Variants in CATSPERE observed in about 807,000 individuals in gnomAD.
The protein encoded by CATSPERE is catsper channel auxiliary subunit epsilon.
In CATSPERE, 93 loss-of-function variants were observed where a neutral mutation model predicts 114.1. That is an observed-to-expected ratio of 0.81 (90% CI 0.69 to 0.97). The LOEUF is 0.97. Ranked by LOEUF, CATSPERE falls within the 50% of genes least tolerant of loss-of-function variation. The probability of loss-of-function intolerance (pLI) is 0.00; values close to 1 mark genes in which losing one functional copy is unlikely to be tolerated. For missense variants in CATSPERE, 1,058 were observed against 1,131.6 expected, an observed-to-expected ratio of 0.93 and a Z score of 0.93; for synonymous variants, 341 against 384.1, an observed-to-expected ratio of 0.89 and a Z score of 1.31.
At chr1:244,459,129 A>G (rs1472369871), upstream of CATSPERE, among the ~76,000 whole-genome samples, 1 of 140,194 alleles carries the variant, frequency 7.1e-6, no homozygotes, top group African/African-American at 2.7e-5. Context: ...GCCAGGCTGG[A>G]GTTCGGTGGC....
chr1:244,566,629 A>G (rs1276825438), intron 10 of CATSPERE, among the ~76,000 whole-genome samples: 1 of 129,992 alleles, frequency 7.7e-6, no homozygotes, highest in Non-Finnish European at 1.7e-5. Flanking sequence ...CTGTTTTATC[A>G]GAGACTAGGA....
intron 14 of CATSPERE, among the ~76,000 whole-genome samples, chr1:244,589,474 A>G (rs1667442239): frequency 6.6e-6 from 1 of 152,170 alleles, no homozygotes; most frequent in African/African-American, 2.4e-5. Flanking sequence ...TAGTTGATTT[A>G]TATAGCCGGT....
intron 8 of CATSPERE, among the ~76,000 whole-genome samples, chr1:244,521,495 G>A (rs965641001): frequency 6.6e-6 from 1 of 152,018 alleles, no homozygotes. Context: ...GCTTAAAGGA[G>A]TAAAATTAGA....
chr1:244,597,298 C>T (rs1274761748), intron 17 of CATSPERE, among the ~76,000 whole-genome samples: 1 of 152,134 alleles, frequency 6.6e-6, no homozygotes, highest in Non-Finnish European at 1.5e-5. Context: ...GGTTTTTGTG[C>T]TCACCACTCT....
chr1:244,536,444 G>A (rs545307662), intron 8 of CATSPERE, among the ~76,000 whole-genome samples: 2 of 152,302 alleles, frequency 1.3e-5, no homozygotes, highest in South Asian at 2.1e-4. Context: ...CCACCATGAG[G>A]ATGGGCAATT....
upstream of CATSPERE, chr1:244,451,933 C>T: frequency 1.8e-6 from 2 of 1,117,166 alleles, no homozygotes; most frequent in Non-Finnish European, 2.4e-6. This position sits in a 1 kb window ranked among gnomAD's most constrained non-coding sequence, Gnocchi z 6.6. Flanking sequence ...GAGGCCGGCC[C>T]CGCCCCCGCC....
At chr1:244,491,936 A>G (rs957678486) in intron 6 of CATSPERE, among the ~76,000 whole-genome samples, 1 of 152,228 alleles carries the variant, frequency 6.6e-6, no homozygotes, top group African/African-American at 2.4e-5. Flanking sequence ...AGGCTCTGAA[A>G]TTGTGGCAAT....
Position 244,607,539 on chromosome 1 carries a change from G to C in CATSPERE, c.2403+1745G>C, listed in dbSNP as rs887303934. Among the ~76,000 whole-genome samples, 4 of 152,160 alleles carry C rather than the reference G, an allele frequency of 2.6e-5. No homozygotes were observed. The highest frequency in any genetic ancestry group is 9.7e-5 in the African/African-American group (4 of 41,426). On this transcript the variant is annotated intron_variant, in intron 18 of 21. Coordinates refer to ENST00000366534, the MANE Select transcript of CATSPERE (RefSeq NM_001130957.2). The surrounding 1 kb of genome is among the most constrained non-coding windows in gnomAD (Gnocchi z 4.4). Reference sequence around the variant, plus strand: ...CCCAGATGCATTTGCATCTAGCTGGGGCCATATGACTGGTTCGCATGGCTG... The same window carrying C: ...CCCAGATGCATTTGCATCTAGCTGGCGCCATATGACTGGTTCGCATGGCTG...
At chr1:244,621,113 TATAATATA>T (rs1672146925) in intron 20 of CATSPERE, among the ~76,000 whole-genome samples, 2 of 68,302 alleles carry the variant, frequency 2.9e-5, no homozygotes, top group Non-Finnish European at 5.3e-5. Flanking sequence ...TAAATATATA[TATAATATA>T]TATATAAATA....
chr1:244,626,225 G>A (rs376050200), intron 20 of CATSPERE, among the ~76,000 whole-genome samples: 16 of 151,942 alleles, frequency 1.1e-4, no homozygotes, highest in African/African-American at 1.4e-4. Context: ...GGTGACTCAC[G>A]CCTGTAATCC....
intron 8 of CATSPERE, among the ~76,000 whole-genome samples, chr1:244,528,785 C>CCACACACGCACGCACACACACACA (rs749801424): frequency 3.6e-4 from 47 of 130,584 alleles, no homozygotes; most frequent in African/African-American, 1.4e-3. Flanking sequence ...CAATCCCCCA[C>CCACACACGCACGCACACACACACA]CACACACACA....
intron 9 of CATSPERE, among the ~76,000 whole-genome samples, chr1:244,553,604 C>T (rs868791275): frequency 1.8e-4 from 17 of 93,654 alleles, no homozygotes; most frequent in East Asian, 1.1e-3. Flanking sequence ...AAAAAAAATA[C>T]ACACACACAC....
chr1:244,622,603 C>T (rs1404989592), intron 20 of CATSPERE, among the ~76,000 whole-genome samples: 2 of 152,012 alleles, frequency 1.3e-5, no homozygotes, highest in East Asian at 3.9e-4. Flanking sequence ...AGGGTTTCGC[C>T]ATGTTGGCCA....
intron 21 of CATSPERE, among the ~76,000 whole-genome samples, chr1:244,637,763 G>T (rs185416138): frequency 1.3e-5 from 2 of 152,258 alleles, no homozygotes; most frequent in African/African-American, 4.8e-5. Flanking sequence ...CTCTGTAATA[G>T]CGATTTCAGA....
At chr1:244,509,121 G>A (rs1675298833) in intron 7 of CATSPERE, among the ~76,000 whole-genome samples, 1 of 151,864 alleles carries the variant, frequency 6.6e-6, no homozygotes, top group Non-Finnish European at 1.5e-5. Context: ...AGTGGTAAAA[G>A]TGGGCATCCT....
chr1:244,617,533 A>G lies in CATSPERE; in HGVS notation c.2495A>G (p.Tyr832Cys), dbSNP rs2148708223. 4.0e-6 allele frequency: 6 copies of G among 1,514,280 alleles called. No individual in the cohort carries two copies. Among genetic ancestry groups the G allele is most frequent in the Middle Eastern group, 1.9e-4 (1 of 5,374 alleles). 93.8% of individuals were successfully genotyped at this position (1,514,280 alleles called of 1,614,324 possible). ...TTGTCTTTGTTTCTTGTTCAGAACT[A>G]TAAACACTGTTTTTCTTATGCTATT... ...PLEEVWGPEN[Y>C]KHCFSYAIGK... The change falls in exon 20 of 22, where the codon TAT (tyrosine) becomes TGT (cysteine). Residue 832 changes from tyrosine to cysteine, a missense_variant. Physicochemically the swap from Tyr to Cys is radical, Grantham distance 194 (BLOSUM62 -2). This residue lies in a region of CATSPERE where 787 missense variants were observed against 905.6 expected (regional missense o/e 0.87). Transcript: ENST00000366534.
chr1:244,479,312 C>G (rs1349668707), intron 4 of CATSPERE, among the ~76,000 whole-genome samples: 1 of 151,988 alleles, frequency 6.6e-6, no homozygotes, highest in Non-Finnish European at 1.5e-5. Flanking sequence ...AGGCTGGTCT[C>G]GAACTTCTCA....
intron 8 of CATSPERE, among the ~76,000 whole-genome samples, chr1:244,535,158 G>A (rs1680186040): frequency 6.6e-6 from 1 of 152,166 alleles, no homozygotes; most frequent in South Asian, 2.1e-4. Context: ...GCTGGGGGAG[G>A]GGTGACACAG....
intron 2 of CATSPERE, among the ~76,000 whole-genome samples, chr1:244,472,460 A>T (rs139152311): frequency 3.9e-5 from 6 of 152,216 alleles, no homozygotes; most frequent in East Asian, 1.9e-4. Context: ...CTTTTAAAAA[A>T]TTTTTTAAGA....
Sources: allele counts gnomAD v4.1 joint callset (sites outside exome capture counted in the v4.1 genomes callset), GRCh38; gene constraint gnomAD v4.1.1; regional missense constraint gnomAD v4.1.1; non-coding constraint Gnocchi (gnomAD v3.1); transcripts MANE v1.5; gene names NCBI Gene and HGNC (gene_info 2026-07-23, HGNC 2026-07-21).